RHOBTB2: variants seen among roughly 807,000 people sequenced by gnomAD.
RHOBTB2 encodes the protein rho-related BTB domain-containing protein 2.
A neutral mutation model predicts 66.5 loss-of-function variants in RHOBTB2; 39 were observed. That is an observed-to-expected ratio of 0.59 (90% confidence interval 0.45 to 0.77). The LOEUF is 0.77. Among genes scored for constraint, RHOBTB2 ranks in the 30% least tolerant of loss-of-function variants. The probability of loss-of-function intolerance (pLI) is 0.00; values close to 1 mark genes in which losing one functional copy is unlikely to be tolerated. For synonymous variants in RHOBTB2, 390 were observed against 395.0 expected (o/e 0.99, Z 0.15); for missense variants, 755 against 999.1 (o/e 0.76, Z 3.29).
In RHOBTB2 at chr8:23,019,871, A is replaced by G. The variant is rs557691024; in HGVS notation, c.*2402A>G. 1.6e-5 allele frequency: 3 copies of G among 191,118 alleles called. No individual in the cohort carries two copies. The highest frequency in any genetic ancestry group is 2.2e-5 in the Non-Finnish European group (2 of 91,260). 11.8% of individuals were successfully genotyped at this position (191,118 alleles called of 1,614,324 possible). A position where few individuals can be genotyped will look rare whatever the true frequency, so the allele number is the denominator to read the frequency against. On this transcript the variant is annotated 3_prime_UTR_variant, in exon 10 of 10. Transcript: ENST00000251822. ...TGGGAGGCTGTGGGTGAGCCAGGCC[A>G]ACATTGGTGTCCCTGTCCCCAGAGG...
the RHOBTB2 span, among the ~76,000 whole-genome samples, chr8:22,971,443 C>G: frequency 1.3e-5 from 2 of 151,996 alleles, no homozygotes; most frequent in Non-Finnish European, 1.5e-5. Flanking sequence ...TCTCGACCTC[C>G]CAAAGTGCTG....
chr8:22,962,256 G>GAA, the RHOBTB2 span, among the ~76,000 whole-genome samples: 44 of 114,630 alleles, frequency 3.8e-4, no homozygotes, highest in African/African-American at 1.3e-3. Flanking sequence ...AAATTAAAAT[G>GAA]AAAAAAAAAA....
At position 22,988,159 on chromosome 8, in the gene RHOBTB2, T is replaced by C. The variant is rs1271322092; in HGVS notation, c.-137+596T>C. The stretch of plus-strand genomic sequence containing the variant: ...TGTTGTCCTGCTCCTTCCCCTTTTT[T>C]TTTTTTTTTTTTTTTTTTGAGATGG... On this transcript the variant is annotated intron_variant, in intron 1 of 11. Coordinates refer to the RHOBTB2 transcript ENST00000519685. Among the ~76,000 whole-genome samples the C allele has an allele frequency of 4.2e-5, 6 of 141,422 alleles. No homozygotes were observed. The East Asian group carries it at 1.3e-3, about 30-fold the overall frequency. The allele number at this position is 141,422 out of a possible 152,430, so 92.8% of individuals were successfully genotyped here. A position where few individuals can be genotyped will look rare whatever the true frequency, so the allele number is the denominator to read the frequency against.
chr8:22,999,597 T>G lies in RHOBTB2; in HGVS notation c.-519T>G. On this transcript the variant is annotated 5_prime_UTR_variant, in exon 1 of 10. Transcript: ENST00000251822. ...GGGTGCGATTTTTTTCTCCTCCTTTTTTTACCCTCCCGTTTTTTTCTTTTC... is the reference window on the plus strand; with the variant it reads ...GGGTGCGATTTTTTTCTCCTCCTTTGTTTACCCTCCCGTTTTTTTCTTTTC... 2 of 1,228,980 alleles carry G rather than the reference T, an allele frequency of 1.6e-6. No homozygotes were observed. Among genetic ancestry groups the G allele is most frequent in the South Asian group, 1.4e-5 (1 of 73,734 alleles). The allele number at this position is 1,228,980 out of a possible 1,614,324, so 76.1% of individuals were successfully genotyped here.
At chr8:22,990,302 A>G (rs1164198468) in intron 1 of RHOBTB2, among the ~76,000 whole-genome samples, 2 of 152,140 alleles carry the variant, frequency 1.3e-5, no homozygotes, top group African/African-American at 4.8e-5. Flanking sequence ...GGTCAGGTGT[A>G]TTTTGGCCCA....
rs938708118 is a variant in RHOBTB2 at position 23,000,337 on chromosome 8, C to G, written c.-11+232C>G. 1.1e-4 allele frequency among the ~76,000 whole-genome samples: 17 copies of G among 152,212 alleles called. 1 individual carries two copies. The highest frequency in any genetic ancestry group is 1.1e-3 in the Admixed American group (17 of 15,286). On this transcript the variant is annotated intron_variant, in intron 1 of 9. Coordinates refer to ENST00000251822, the MANE Select transcript of RHOBTB2 (RefSeq NM_015178.3). ...TCGGCCTGTCGTGCCCCTCCCCCTTCTCGATGTTTAAAAATTTTTAAATTT... is the reference window on the plus strand; with the variant it reads ...TCGGCCTGTCGTGCCCCTCCCCCTTGTCGATGTTTAAAAATTTTTAAATTT...
At chr8:22,982,716 A>C (rs1426432690), upstream of RHOBTB2, among the ~76,000 whole-genome samples, 1 of 152,238 alleles carries the variant, frequency 6.6e-6, no homozygotes. Flanking sequence ...AACCCCATGG[A>C]TCTTTCTCAC....
chr8:23,015,713 T>G lies in RHOBTB2; in HGVS notation c.1936T>G (p.Phe646Val), dbSNP rs1811272183. Residue 646 changes from phenylalanine to valine, a missense_variant, in exon 9 of 10, where the codon TTC becomes GTC. Physicochemically the swap from Phe to Val is conservative, Grantham distance 50. Transcript: ENST00000251822. ...CAACTACAACAACGTGTGCCGCAAG[T>G]TCCCCCGAGACATGAAGGCCATGTC... ...CTNYNNVCRK[F>V]PRDMKAMSPE... 1 of 1,613,664 alleles carries G rather than the reference T, an allele frequency of 6.2e-7. No individual in the cohort carries two copies. The highest frequency in any genetic ancestry group is 1.3e-5 in the African/African-American group (1 of 75,018).
chr8:22,966,681 CA>C, the RHOBTB2 span, among the ~76,000 whole-genome samples: 1 of 151,988 alleles, frequency 6.6e-6, no homozygotes. Context: ...TATTATTAAT[CA>C]TTAAGGAAAT....
the RHOBTB2 span, among the ~76,000 whole-genome samples, chr8:22,951,579 A>G: frequency 6.6e-6 from 1 of 152,156 alleles, no homozygotes; most frequent in African/African-American, 2.4e-5. Context: ...TGGATCTCAC[A>G]AAATACGTTT....
chr8:22,988,153 C>CT (rs34922844), intron 1 of RHOBTB2, among the ~76,000 whole-genome samples: 658 of 77,932 alleles, frequency 8.4e-3, no homozygotes, highest in Middle Eastern at 0.011. Context: ...GCTCCTTCCC[C>CT]TTTTTTTTTT....
chr8:22,987,018 C>T (rs1402413255), upstream of RHOBTB2, among the ~76,000 whole-genome samples: 3 of 152,246 alleles, frequency 2.0e-5, no homozygotes, highest in Non-Finnish European at 1.5e-5. Flanking sequence ...TCCATGGCCT[C>T]TAGCTCAGGT....
At chr8:23,015,617 G>A (rs758765309) in intron 8 of RHOBTB2, 21 bp from the exon 9 acceptor site, 28 of 1,560,780 alleles carry the variant, frequency 1.8e-5, no homozygotes, top group African/African-American at 1.2e-4. Flanking sequence ...CAGTACAGAC[G>A]TTCTTCCCTT....
At position 22,999,627 on chromosome 8, in the gene RHOBTB2, T is replaced by A; in HGVS notation, c.-489T>A. ...CCCTCCCGTTTTTTTCTTTTCTTTT[T>A]TTTTTCCCTATCCTTTTTTTGTGAA... is the stretch of plus-strand genomic sequence containing the variant. On this transcript the variant is annotated 5_prime_UTR_variant, in exon 1 of 10. Coordinates refer to ENST00000251822, the MANE Select transcript of RHOBTB2 (RefSeq NM_015178.3). 1 of 1,244,064 alleles carries A rather than the reference T, an allele frequency of 8.0e-7. No homozygotes were observed. 77.1% of individuals were successfully genotyped at this position (1,244,064 alleles called of 1,614,324 possible).
rs1299916535 is a variant in RHOBTB2 at position 23,019,315 on chromosome 8, T to G, written c.*1846T>G. ...GCGGCTCTAACCCTGGGGGCGGCCATGTTGTCCAGGCCCAGGCCCCTCCAG... is the reference window on the plus strand; with the variant it reads ...GCGGCTCTAACCCTGGGGGCGGCCAGGTTGTCCAGGCCCAGGCCCCTCCAG... On this transcript the variant is annotated 3_prime_UTR_variant, in exon 10 of 10. Transcript: ENST00000251822. 1.3e-5 allele frequency: 2 copies of G among 152,412 alleles called. No individual in the cohort carries two copies. Among genetic ancestry groups the G allele is most frequent in the East Asian group, 3.9e-4 (2 of 5,142 alleles). 9.4% of individuals were successfully genotyped at this position (152,412 alleles called of 1,614,324 possible). A position where few individuals can be genotyped will look rare whatever the true frequency, so the allele number is the denominator to read the frequency against.
intron 5 of RHOBTB2, 22 bp downstream of exon 5, chr8:23,007,768 C>T (rs984599000): frequency 1.4e-5 from 23 of 1,606,252 alleles, no homozygotes; most frequent in African/African-American, 4.0e-5. Flanking sequence ...GCTTGGAAAG[C>T]AAGGGGGTTC....
At chr8:22,989,984 T>C (rs1810384740) in intron 1 of RHOBTB2, among the ~76,000 whole-genome samples, 1 of 152,172 alleles carries the variant, frequency 6.6e-6, no homozygotes, top group Non-Finnish European at 1.5e-5. Context: ...CTCCATCTCA[T>C]AGGATTGTTT....
chr8:22,989,703 GT>G (rs987298488), intron 1 of RHOBTB2, among the ~76,000 whole-genome samples: 2 of 152,232 alleles, frequency 1.3e-5, no homozygotes, highest in African/African-American at 4.8e-5. Context: ...CAGCGCTGGG[GT>G]CTGACACAAC....
intron 2 of RHOBTB2, 152 bp from the exon 3 acceptor site, chr8:23,005,220 T>A: frequency 1.6e-6 from 1 of 606,472 alleles, no homozygotes; most frequent in Non-Finnish European, 3.0e-6. Context: ...ATGAAAGTTG[T>A]GCAGGGTGCA....
Sources: allele counts gnomAD v4.1 joint callset (sites outside exome capture counted in the v4.1 genomes callset), GRCh38; gene constraint gnomAD v4.1.1; transcripts MANE v1.5; gene names NCBI Gene and HGNC (gene_info 2026-07-23, HGNC 2026-07-21).